Variants in EPHB1 observed in about 807,000 individuals in gnomAD.
EPHB1 encodes the protein ephrin type-B receptor 1.
EPHB1 carries 30 observed loss-of-function variants against 94.4 expected under a neutral mutation model. The ratio of observed to expected loss-of-function variants is 0.32; its 90% confidence interval spans 0.24 to 0.43. The LOEUF (loss-of-function observed/expected upper bound fraction) is 0.43, where lower values mean the gene tolerates loss of function less well. Ranked by LOEUF, EPHB1 falls within the 20% of genes least tolerant of loss-of-function variation. The pLI is 1.00. For missense variants in EPHB1, 1,055 were observed against 1,308.3 expected (o/e 0.81, Z 2.99); for synonymous variants, 522 against 489.1 (o/e 1.07, Z -0.89).
In EPHB1 at chr3:134,900,028, T is replaced by C. The variant is rs932482720; in HGVS notation, c.59-25788T>C. ...TGGTGATTAAACCACTGTAGGAGAA[T>C]GGACTTTGGGGCTAGATAAGACTCT... On this transcript the variant is annotated intron_variant, in intron 1 of 15. Coordinates refer to ENST00000398015, the MANE Select transcript of EPHB1 (RefSeq NM_004441.5). Among the ~76,000 whole-genome samples, 3 of 152,322 alleles carry C rather than the reference T, an allele frequency of 2.0e-5. No individual in the cohort carries two copies. The South Asian group carries it at 6.2e-4, about 32-fold the overall frequency.
intron 3 of EPHB1, among the ~76,000 whole-genome samples, chr3:135,084,980 C>G (rs1465304767): frequency 2.6e-5 from 4 of 152,178 alleles, no homozygotes; most frequent in Non-Finnish European, 4.4e-5. Flanking sequence ...TGCTGTGGCT[C>G]AGAGAGGCTA....
At chr3:135,145,163 A>C (rs1193736044) in intron 5 of EPHB1, among the ~76,000 whole-genome samples, 1 of 152,218 alleles carries the variant, frequency 6.6e-6, no homozygotes, top group African/African-American at 2.4e-5. Context: ...CCAGCTATCT[A>C]AGCAGGACCT....
intron 3 of EPHB1, among the ~76,000 whole-genome samples, chr3:134,967,455 A>G (rs1933803080): frequency 6.6e-6 from 1 of 152,184 alleles, no homozygotes; most frequent in Non-Finnish European, 1.5e-5. Context: ...GCACTCATGA[A>G]TGAATTAATC....
intron 1 of EPHB1, among the ~76,000 whole-genome samples, chr3:134,838,747 C>G (rs1421610852): frequency 6.6e-6 from 1 of 152,096 alleles, no homozygotes; most frequent in Non-Finnish European, 1.5e-5. Context: ...ATTAATAAGA[C>G]AAATCATGTC....
At chr3:135,139,085 C>A (rs538686348) in intron 5 of EPHB1, among the ~76,000 whole-genome samples, 59 of 152,288 alleles carry the variant, frequency 3.9e-4, no homozygotes, top group African/African-American at 1.3e-3. Context: ...GCACAGAGAG[C>A]CTTGATAAAT....
At chr3:135,099,766 C>T (rs1334352131) in intron 3 of EPHB1, among the ~76,000 whole-genome samples, 1 of 152,226 alleles carries the variant, frequency 6.6e-6, no homozygotes, top group Admixed American at 6.5e-5. Context: ...ATTTCTTGCC[C>T]ACCAACACCA....
At chr3:135,222,750 A>G (rs924659260) in intron 12 of EPHB1, among the ~76,000 whole-genome samples, 1 of 152,228 alleles carries the variant, frequency 6.6e-6, no homozygotes, top group African/African-American at 2.4e-5. Context: ...TGAGATGTGA[A>G]TGCCCTCCTG....
chr3:135,226,414 A>T (rs2107722249), intron 12 of EPHB1, among the ~76,000 whole-genome samples: 1 of 152,360 alleles, frequency 6.6e-6, no homozygotes, highest in Admixed American at 6.5e-5. Flanking sequence ...TTCACGAACG[A>T]GTGACAGACA....
At chr3:135,005,991 G>C (rs967044027) in intron 3 of EPHB1, among the ~76,000 whole-genome samples, 1 of 152,120 alleles carries the variant, frequency 6.6e-6, no homozygotes, top group Non-Finnish European at 1.5e-5. Context: ...CCCCACATCT[G>C]ATGGTTTTAT....
intron 2 of EPHB1, among the ~76,000 whole-genome samples, chr3:134,948,866 T>C (rs1301698312): frequency 6.6e-6 from 1 of 152,232 alleles, no homozygotes; most frequent in Non-Finnish European, 1.5e-5. Context: ...TAATATGCTA[T>C]GATATGCTAT....
At chr3:134,883,793 A>T (rs2108312926) in intron 1 of EPHB1, among the ~76,000 whole-genome samples, 1 of 152,326 alleles carries the variant, frequency 6.6e-6, no homozygotes, top group South Asian at 2.1e-4. Context: ...GTTCCCAGTG[A>T]GGCCGGAGAC....
intron 5 of EPHB1, among the ~76,000 whole-genome samples, chr3:135,134,000 A>C (rs1366983431): frequency 1.3e-5 from 2 of 152,228 alleles, no homozygotes; most frequent in Non-Finnish European, 2.9e-5. Flanking sequence ...TTTAGAGGAT[A>C]TAGATACAAA....
At chr3:134,877,599 A>G (rs2037642208) in intron 1 of EPHB1, among the ~76,000 whole-genome samples, 1 of 152,212 alleles carries the variant, frequency 6.6e-6, no homozygotes, top group African/African-American at 2.4e-5. Flanking sequence ...GAAAATTGTT[A>G]CTGACAACAA....
At chr3:134,820,360 C>T (rs2036355892) in intron 1 of EPHB1, among the ~76,000 whole-genome samples, 1 of 152,190 alleles carries the variant, frequency 6.6e-6, no homozygotes. Context: ...GCTTCTCTGC[C>T]CCTAAGGGAG....
chr3:134,804,562 G>T (rs1031586264), intron 1 of EPHB1, among the ~76,000 whole-genome samples: 1 of 152,120 alleles, frequency 6.6e-6, no homozygotes, highest in African/African-American at 2.4e-5. Flanking sequence ...TGTGTGTGGG[G>T]GGGAGGAATC....
At chr3:134,925,682 C>A in intron 1 of EPHB1, 134 bp from the exon 2 acceptor site, 1 of 677,638 alleles carries the variant, frequency 1.5e-6, no homozygotes, top group Non-Finnish European at 2.4e-6. Flanking sequence ...GAGACCTGGG[C>A]TTGAAGATGC....
chr3:134,819,653 A>G lies in EPHB1; in HGVS notation c.58+23964A>G, dbSNP rs138729541. Among the ~76,000 whole-genome samples the G allele has an allele frequency of 8.6e-3, 1,316 of 152,192 alleles. 23 individuals carry two copies. Among genetic ancestry groups the G allele is most frequent in the African/African-American group, 0.03 (1,246 of 41,520 alleles). On this transcript the variant is annotated intron_variant, in intron 1 of 15. Transcript: ENST00000398015. ...AGCAGTGTGGGGTTCTGCTTGGAGC[A>G]GCTGAGTCCCTACCCTGCACATCCC...
intron 3 of EPHB1, among the ~76,000 whole-genome samples, chr3:134,981,344 G>A (rs965623880): frequency 6.6e-6 from 1 of 152,100 alleles, no homozygotes; most frequent in Non-Finnish European, 1.5e-5. Flanking sequence ...TCCTCATCTT[G>A]CGTGTTCATC....
chr3:135,162,912 G>A (rs1941550345), intron 7 of EPHB1, among the ~76,000 whole-genome samples: 2 of 152,050 alleles, frequency 1.3e-5, no homozygotes, highest in Admixed American at 1.3e-4. Flanking sequence ...CTCTTAGCTA[G>A]CCATTTACCA....
Sources: allele counts gnomAD v4.1 joint callset (sites outside exome capture counted in the v4.1 genomes callset), GRCh38; gene constraint gnomAD v4.1.1; transcripts MANE v1.5; gene names NCBI Gene and HGNC (gene_info 2026-07-23, HGNC 2026-07-21).